NHS: variants seen among roughly 807,000 people sequenced by gnomAD.
NHS encodes NHS actin remodeling regulator.
A neutral mutation model predicts 72.5 loss-of-function variants in NHS; 5 were observed. The ratio of observed to expected loss-of-function variants is 0.07; its 90% CI spans 0.04 to 0.14. The LOEUF is 0.14. NHS is among the 10% of genes least tolerant of loss of function. The pLI, the probability that NHS is intolerant of heterozygous loss-of-function variation, is 1.00. For missense variants in NHS, 1,072 were observed against 1,355.7 expected, an observed-to-expected ratio of 0.79 and a Z score of 3.29; for synonymous variants, 464 against 547.7, an observed-to-expected ratio of 0.85 and a Z score of 2.13.
intron 1 of NHS, among the ~76,000 whole-genome samples, chrX:17,616,073 T>C (rs1448411288): frequency 8.9e-6 from 1 of 112,749 alleles, no homozygotes; most frequent in African/African-American, 3.2e-5. Context: ...CTGGCCCTAA[T>C]GACAACCTGG....
intron 1 of NHS, among the ~76,000 whole-genome samples, chrX:17,657,245 C>T (rs1023649946): frequency 2.0e-4 from 23 of 112,861 alleles, no homozygotes; most frequent in African/African-American, 6.1e-4. Flanking sequence ...CACCCCCCTG[C>T]GGGGAAGACT....
intron 1 of NHS, among the ~76,000 whole-genome samples, chrX:17,636,947 T>C (rs1233920594): frequency 8.9e-6 from 1 of 112,075 alleles, no homozygotes; most frequent in Non-Finnish European, 1.9e-5. Flanking sequence ...ATAACCATTA[T>C]TTGATGGGCA....
chrX:17,492,312 C>A (rs761823784), intron 1 of NHS, among the ~76,000 whole-genome samples: 3 of 112,195 alleles, frequency 2.7e-5, no homozygotes, highest in Non-Finnish European at 5.6e-5. Flanking sequence ...TAGCTGTGTG[C>A]CACAGATTCT....
intron 1 of NHS, among the ~76,000 whole-genome samples, chrX:17,395,557 T>C (rs1208810624): frequency 8.9e-6 from 1 of 112,344 alleles, no homozygotes; most frequent in African/African-American, 3.2e-5. Flanking sequence ...CTAAGGTTGC[T>C]TGAAGGCTGG....
chrX:17,597,308 G>A (rs994341850), intron 1 of NHS, among the ~76,000 whole-genome samples: 1 of 108,788 alleles, frequency 9.2e-6, no homozygotes, highest in African/African-American at 3.4e-5. Flanking sequence ...TGTATTTTTC[G>A]TAGAGACGGG....
intron 1 of NHS, among the ~76,000 whole-genome samples, chrX:17,537,982 C>T (rs917888211): frequency 2.7e-5 from 3 of 111,967 alleles, no homozygotes; most frequent in Admixed American, 9.4e-5. Flanking sequence ...GAGCCAGCCA[C>T]GGGCAGGAGG....
rs1343437872 is a variant in NHS at position 17,419,261 on chromosome X, T to A, written c.565+42939T>A. Among the ~76,000 whole-genome samples the A allele has an allele frequency of 4.4e-5, 5 of 112,595 alleles. No individual in the cohort carries two copies. The East Asian group carries it at 1.1e-3, about 25-fold the overall frequency. ...CTGCCGTCAGCACCAGGAACATTTT[T>A]AAATCGGGTTCTGAGCTGTTAATCT... On this transcript the variant is annotated intron_variant, in intron 1 of 8. Transcript: ENST00000676302.
intron 1 of NHS, among the ~76,000 whole-genome samples, chrX:17,458,865 G>A (rs1262724168): frequency 3.6e-5 from 4 of 111,863 alleles, no homozygotes; most frequent in Non-Finnish European, 7.5e-5. Context: ...ATTCACCTTT[G>A]TAACCCCAGG....
intron 1 of NHS, among the ~76,000 whole-genome samples, chrX:17,605,862 C>G (rs990558112): frequency 8.9e-6 from 1 of 112,040 alleles, no homozygotes; most frequent in African/African-American, 3.2e-5. Flanking sequence ...CTTTCCAGCT[C>G]TGTTGCCCTG....
At chrX:17,660,374 C>T (rs760119000) in intron 1 of NHS, among the ~76,000 whole-genome samples, 3 of 112,652 alleles carry the variant, frequency 2.7e-5, no homozygotes, top group African/African-American at 9.7e-5. Context: ...TCACTTAACT[C>T]TGGAAGAAAT....
chrX:17,391,076 A>C (rs2064443058), intron 1 of NHS, among the ~76,000 whole-genome samples: 1 of 111,008 alleles, frequency 9.0e-6, no homozygotes, highest in Non-Finnish European at 1.9e-5. Context: ...ACAGACAGAC[A>C]CCCTCTTTTA....
At chrX:17,604,727 A>G (rs1297102234) in intron 1 of NHS, among the ~76,000 whole-genome samples, 1 of 112,339 alleles carries the variant, frequency 8.9e-6, no homozygotes, top group Admixed American at 9.4e-5. Flanking sequence ...GAATGAATGC[A>G]TGCATGCATG....
At chrX:17,651,623 T>C (rs1267388335) in intron 1 of NHS, among the ~76,000 whole-genome samples, 1 of 111,641 alleles carries the variant, frequency 9.0e-6, no homozygotes, top group Admixed American at 9.5e-5. Flanking sequence ...TGTGTAGGAA[T>C]AGGTAAGAGT....
intron 1 of NHS, among the ~76,000 whole-genome samples, chrX:17,676,784 A>G (rs1434986011): frequency 2.7e-5 from 3 of 112,489 alleles, no homozygotes; most frequent in Non-Finnish European, 5.6e-5. Context: ...GGTCATTTTC[A>G]GTACAGGTTG....
At chrX:17,398,272 A>T (rs1168179620) in intron 1 of NHS, among the ~76,000 whole-genome samples, 1 of 111,692 alleles carries the variant, frequency 9.0e-6, no homozygotes. Flanking sequence ...GTTGCTTGTA[A>T]CCTATCATTT....
At chrX:17,531,240 C>T (rs1159497172) in intron 1 of NHS, among the ~76,000 whole-genome samples, 1 of 106,988 alleles carries the variant, frequency 9.3e-6, no homozygotes, top group African/African-American at 3.4e-5. Context: ...CCTTTCCTGG[C>T]CACTCTGAGC....
At chrX:17,471,989 A>C (rs1234426054) in intron 1 of NHS, among the ~76,000 whole-genome samples, 1 of 111,616 alleles carries the variant, frequency 9.0e-6, no homozygotes, top group South Asian at 3.8e-4. Flanking sequence ...GAGAACACTG[A>C]ATGGTTTCAC....
intron 1 of NHS, among the ~76,000 whole-genome samples, chrX:17,612,622 T>G (rs974677488): frequency 8.9e-6 from 1 of 111,965 alleles, no homozygotes. Flanking sequence ...ATTATTATCC[T>G]CATTTTGCAA....
chrX:17,725,077 A>T (rs924087424), intron 6 of NHS, among the ~76,000 whole-genome samples: 4 of 111,676 alleles, frequency 3.6e-5, no homozygotes, highest in Non-Finnish European at 5.6e-5. Context: ...ATTGTGGCAA[A>T]TTAACGTGAT....
Sources: gnomAD v4.1 joint callset for allele counts (sites outside exome capture counted in the v4.1 genomes callset) on GRCh38, gnomAD v4.1.1 for gene constraint, MANE v1.5 for transcripts, NCBI Gene and HGNC (gene_info 2026-07-23, HGNC 2026-07-21) for gene names.